The following CCDC40 variants were observed in gnomAD, a reference collection of about 807,000 sequenced individuals.
CCDC40 encodes the protein coiled-coil domain-containing protein 40.
In CCDC40, 104 loss-of-function variants were observed where a neutral mutation model predicts 124.5. That is an observed-to-expected ratio of 0.84 (90% CI 0.71 to 0.98). CCDC40 has a LOEUF of 0.98. Ranked by LOEUF, CCDC40 falls within the 50% of genes least tolerant of loss-of-function variation. CCDC40 has a pLI of 0.00. For synonymous variants in CCDC40, 580 were observed against 602.9 expected, an observed-to-expected ratio of 0.96 and a Z score of 0.56; for missense variants, 1,463 against 1,503.9, an observed-to-expected ratio of 0.97 and a Z score of 0.45.
At chr17:80,044,737 A>ATCTC (rs1568671779) in intron 3 of CCDC40, among the ~76,000 whole-genome samples, 55 of 139,224 alleles carry the variant, frequency 4.0e-4, no homozygotes, top group Non-Finnish European at 5.4e-4. Context: ...ATATATATAT[A>ATCTC]TCTCAACAAC....
Position 80,081,530 on chromosome 17 carries a change from C to G in CCDC40, c.1563-16C>G, listed in dbSNP as rs377057189. ...TGTCTCACACGTAACTGGCTCTCCC[C>G]GCTGCATTTCTACAGAGGATGCCAG... On this transcript the variant is annotated splice_polypyrimidine_tract_variant and intron_variant, in intron 10 of 19. Transcript: ENST00000397545. The G allele has an allele frequency of 6.2e-7, 1 of 1,613,260 alleles. No homozygotes were observed. The highest frequency in any genetic ancestry group is 1.1e-5 in the South Asian group (1 of 91,072).
At chr17:80,053,148 T>TG (rs1245408864) in intron 7 of CCDC40, among the ~76,000 whole-genome samples, 1 of 152,190 alleles carries the variant, frequency 6.6e-6, no homozygotes, top group Non-Finnish European at 1.5e-5. Context: ...GGAGAACAGA[T>TG]GCGTGAGTTC....
chr17:80,063,644 G>A (rs370877047), intron 9 of CCDC40, among the ~76,000 whole-genome samples: 4 of 152,282 alleles, frequency 2.6e-5, no homozygotes, highest in South Asian at 2.1e-4. Flanking sequence ...GCAGTCCCAC[G>A]ACTGGGCATT....
chr17:80,089,260 G>C (rs1275108960), intron 16 of CCDC40, among the ~76,000 whole-genome samples: 1 of 152,222 alleles, frequency 6.6e-6, no homozygotes, highest in Non-Finnish European at 1.5e-5. Context: ...AGCAGGCGTG[G>C]TGTGGAGGCA....
chr17:80,049,755 G>C, intron 5 of CCDC40, 151 bp from the exon 6 acceptor site: 1 of 714,842 alleles, frequency 1.4e-6, no homozygotes. Context: ...GTGGCTTCCA[G>C]AGTAAGAATC....
intron 17 of CCDC40, chr17:80,090,300 C>T (rs1168394051): frequency 1.5e-6 from 2 of 1,330,448 alleles, no homozygotes; most frequent in South Asian, 1.6e-5. Context: ...CGCGCGCAGG[C>T]ACGTGCACGA....
Position 80,059,000 on chromosome 17 carries a change from C to G in CCDC40, c.1440+20C>G. Reference sequence around the variant, plus strand: ...AGTGAGGTAAAAGCAGTCCCCGCAGCTCTCAGTGTTCGACCCTCCAGTGAG... The same window carrying G: ...AGTGAGGTAAAAGCAGTCCCCGCAGGTCTCAGTGTTCGACCCTCCAGTGAG... On this transcript the variant is annotated intron_variant, in intron 9 of 19. Transcript: ENST00000397545. This position sits in a 1 kb window ranked among gnomAD's most constrained non-coding sequence, Gnocchi z 4.2. The G allele has an allele frequency of 1.2e-6, 2 of 1,614,170 alleles. No individual in the cohort carries two copies. Among genetic ancestry groups the G allele is most frequent in the Non-Finnish European group, 1.7e-6 (2 of 1,179,994 alleles).
intron 10 of CCDC40, among the ~76,000 whole-genome samples, chr17:80,068,949 C>T (rs562140547): frequency 3.9e-5 from 6 of 152,346 alleles, no homozygotes; most frequent in East Asian, 1.9e-4. Context: ...GCCTGGGCCC[C>T]GGCCCTGTCT....
chr17:80,041,507 C>CAA lies in CCDC40; in HGVS notation c.552+1251_552+1252dup, dbSNP rs111597290. 5.1e-4 allele frequency among the ~76,000 whole-genome samples: 69 copies of CAA among 134,302 alleles called. No homozygotes were observed. The South Asian group carries it at 8.8e-3, about 17-fold the overall frequency. 88.1% of individuals were successfully genotyped at this position (134,302 alleles called of 152,430 possible). A position where few individuals can be genotyped will look rare whatever the true frequency, so the allele number is the denominator to read the frequency against. ...TGGGCGACAGAGCGAGACTCTGTCT[C>CAA]AAAAAAAAAAAAAAATTCTGGAAAT... On this transcript the variant is annotated intron_variant, in intron 3 of 19. Transcript: ENST00000397545.
chr17:80,071,534 T>C (rs927841258), intron 10 of CCDC40, among the ~76,000 whole-genome samples: 8 of 152,248 alleles, frequency 5.3e-5, no homozygotes, highest in Non-Finnish European at 1.0e-4. Flanking sequence ...ATCCGTTCTT[T>C]TTGTTTCATT....
intron 10 of CCDC40, among the ~76,000 whole-genome samples, chr17:80,075,169 C>T (rs185285147): frequency 3.8e-4 from 58 of 152,098 alleles, no homozygotes; most frequent in African/African-American, 1.4e-3. Context: ...AAGTGATATG[C>T]TCACCTCAGC....
chr17:80,044,002 A>G (rs12943127), intron 3 of CCDC40, among the ~76,000 whole-genome samples: 150,008 of 152,270 alleles, frequency 0.99, 73,929 homozygotes, highest in Middle Eastern at 1. Flanking sequence ...AGATGGGAGT[A>G]TGGAAGGGAG....
chr17:80,036,767 G>A, intron 1 of CCDC40, 76 bp downstream of exon 1: 3 of 1,377,802 alleles, frequency 2.2e-6, no homozygotes, highest in Non-Finnish European at 2.9e-6. Context: ...GGTGGCCCCC[G>A]CGTCGGCTCC....
chr17:80,059,531 C>T (rs2037844391), intron 9 of CCDC40, among the ~76,000 whole-genome samples: 1 of 148,964 alleles, frequency 6.7e-6, no homozygotes, highest in South Asian at 2.1e-4. Flanking sequence ...TCTTCATTCA[C>T]GGGTGCGGGA....
At chr17:80,089,612 C>G in intron 16 of CCDC40, 152 bp from the exon 17 acceptor site, 1 of 797,006 alleles carries the variant, frequency 1.3e-6, no homozygotes, top group Middle Eastern at 2.6e-4. Flanking sequence ...CAGTAGTGAA[C>G]ACTTCAGGCT....
intron 17 of CCDC40, among the ~76,000 whole-genome samples, 178 bp from the exon 18 acceptor site, chr17:80,095,085 C>T (rs2038783058): frequency 6.6e-6 from 1 of 152,240 alleles, no homozygotes; most frequent in Non-Finnish European, 1.5e-5. Flanking sequence ...TTCCGGGTTC[C>T]CACCCAGGGC....
chr17:80,043,124 G>A (rs2037324102), intron 3 of CCDC40, among the ~76,000 whole-genome samples: 1 of 152,062 alleles, frequency 6.6e-6, no homozygotes. Flanking sequence ...GTGATTCACT[G>A]GGTTATAACC....
At chr17:80,064,313 A>ACT (rs2037979051) in intron 9 of CCDC40, among the ~76,000 whole-genome samples, 1 of 152,098 alleles carries the variant, frequency 6.6e-6, no homozygotes, top group Admixed American at 6.5e-5. Flanking sequence ...GCGTGCAGGC[A>ACT]CTTCTGGGAC....
intron 10 of CCDC40, among the ~76,000 whole-genome samples, chr17:80,080,303 T>G (rs9907837): frequency 0.75 from 114,144 of 152,156 alleles, 43,076 homozygotes; most frequent in Middle Eastern, 0.92. Context: ...ATCCTCATGC[T>G]GAGGCGTAAG....
Sources: allele counts gnomAD v4.1 joint callset (sites outside exome capture counted in the v4.1 genomes callset), GRCh38; gene constraint gnomAD v4.1.1; non-coding constraint Gnocchi (gnomAD v3.1); transcripts MANE v1.5; gene names NCBI Gene and HGNC (gene_info 2026-07-23, HGNC 2026-07-21).